UST: variants seen among roughly 807,000 people sequenced by gnomAD.
UST encodes chondroitin sulfate 2-O-sulfotransferase.
Under a neutral mutation model 45.6 loss-of-function variants are expected in UST, and 21 were observed. The ratio of observed to expected loss-of-function variants is 0.46; its 90% confidence interval spans 0.33 to 0.66. The LOEUF is 0.66. Ranked by LOEUF, UST falls within the 30% of genes least tolerant of loss-of-function variation. UST has a pLI of 0.02. For missense variants in UST, 463 were observed against 512.4 expected (o/e 0.90, Z 0.93); for synonymous variants, 215 against 200.6 (o/e 1.07, Z -0.61).
At chr6:148,948,211 T>C (rs912023181) in intron 3 of UST, among the ~76,000 whole-genome samples, 1 of 152,200 alleles carries the variant, frequency 6.6e-6, no homozygotes, top group African/African-American at 2.4e-5. Flanking sequence ...GGCTCTGAGG[T>C]TCAAGGGCCA....
intron 2 of UST, among the ~76,000 whole-genome samples, chr6:148,911,989 G>A (rs1779484583): frequency 6.6e-6 from 1 of 152,176 alleles, no homozygotes. Flanking sequence ...TTGAGGTCAG[G>A]AGTTCAAGAC....
chr6:148,997,115 T>G (rs1478833552), intron 5 of UST, among the ~76,000 whole-genome samples: 1 of 152,224 alleles, frequency 6.6e-6, no homozygotes, highest in East Asian at 1.9e-4. Context: ...CTTCAGAGGA[T>G]ATGAACTGGG....
At chr6:148,975,464 A>G (rs1465981247) in intron 5 of UST, among the ~76,000 whole-genome samples, 2 of 152,104 alleles carry the variant, frequency 1.3e-5, no homozygotes, top group Non-Finnish European at 1.5e-5. Flanking sequence ...GATACTGTCA[A>G]CCTGTCTCCA....
At chr6:149,002,506 A>G (rs1781569751) in intron 5 of UST, among the ~76,000 whole-genome samples, 1 of 151,984 alleles carries the variant, frequency 6.6e-6, no homozygotes, top group South Asian at 2.1e-4. Context: ...CTTTTTATGT[A>G]TTTATTTATT....
chr6:148,875,775 G>C (rs562687561), intron 1 of UST, among the ~76,000 whole-genome samples: 1 of 152,206 alleles, frequency 6.6e-6, no homozygotes, highest in Non-Finnish European at 1.5e-5. Flanking sequence ...CTGCGCTCCC[G>C]CTTCGGCGAC....
At position 148,922,057 on chromosome 6, in the gene UST, A is replaced by G. The variant is rs116520696; in HGVS notation, c.292-19222A>G. Reference sequence around the variant, plus strand: ...ACTGGAAAGTCTCATGGTGGGGAAGAGAGATAAAATGTACACTATTGTTTT... The same window carrying G: ...ACTGGAAAGTCTCATGGTGGGGAAGGGAGATAAAATGTACACTATTGTTTT... On this transcript the variant is annotated intron_variant, in intron 2 of 7. Coordinates refer to ENST00000367463, the MANE Select transcript of UST (RefSeq NM_005715.3). Among the ~76,000 whole-genome samples the G allele has an allele frequency of 4.5e-3, 678 of 152,316 alleles. 6 individuals are homozygous for G. The highest frequency in any genetic ancestry group is 0.015 in the African/African-American group (643 of 41,566).
At chr6:149,052,864 A>G (rs142698574) in intron 7 of UST, among the ~76,000 whole-genome samples, 10 of 152,334 alleles carry the variant, frequency 6.6e-5, no homozygotes, top group South Asian at 2.1e-4. Context: ...CAAAGACTCA[A>G]TCTGGTTAAC....
intron 3 of UST, among the ~76,000 whole-genome samples, chr6:148,945,407 A>G (rs1780216233): frequency 6.6e-6 from 1 of 152,060 alleles, no homozygotes; most frequent in South Asian, 2.1e-4. Flanking sequence ...AGAGCCTTTT[A>G]AAACCTAGAG....
At chr6:148,894,559 G>A (rs1249204201) in intron 2 of UST, among the ~76,000 whole-genome samples, 1 of 152,096 alleles carries the variant, frequency 6.6e-6, no homozygotes, top group Non-Finnish European at 1.5e-5. Context: ...CAAACCCCCA[G>A]GCAGGAGCCA....
At chr6:148,890,457 T>G (rs974755462) in intron 2 of UST, among the ~76,000 whole-genome samples, 2 of 152,242 alleles carry the variant, frequency 1.3e-5, no homozygotes, top group Non-Finnish European at 2.9e-5. Context: ...TTTTTCATAT[T>G]TGCTTAGTGC....
rs114079435 is a variant in UST at position 148,882,871 on chromosome 6, A to G, written c.248-4115A>G. ...TCCAGTGGCAAAAAATAGGATTTTC[A>G]TTTCTTATTTGGTTTCTAGATCCTT... On this transcript the variant is annotated intron_variant, in intron 1 of 7. Coordinates refer to ENST00000367463, the MANE Select transcript of UST (RefSeq NM_005715.3). 6.5e-3 allele frequency among the ~76,000 whole-genome samples: 994 copies of G among 152,322 alleles called. 8 individuals carry two copies. The highest frequency in any genetic ancestry group is 0.023 in the African/African-American group (946 of 41,578).
At chr6:148,916,274 G>A (rs150643505) in intron 2 of UST, among the ~76,000 whole-genome samples, 185 of 152,306 alleles carry the variant, frequency 1.2e-3, no homozygotes, top group African/African-American at 4.3e-3. Flanking sequence ...GTAATTTGCC[G>A]AAAGGGATGC....
At chr6:148,912,079 C>T (rs1383888534) in intron 2 of UST, among the ~76,000 whole-genome samples, 1 of 152,170 alleles carries the variant, frequency 6.6e-6, no homozygotes, top group African/African-American at 2.4e-5. Context: ...CACCTGTAAT[C>T]CCAGCTACTC....
At chr6:148,897,198 C>T (rs1779148989) in intron 2 of UST, among the ~76,000 whole-genome samples, 1 of 152,068 alleles carries the variant, frequency 6.6e-6, no homozygotes, top group African/African-American at 2.4e-5. Context: ...GACTGAGTCT[C>T]ACACTGTCGT....
intron 1 of UST, among the ~76,000 whole-genome samples, chr6:148,821,233 A>G (rs1777460114): frequency 6.6e-6 from 1 of 151,102 alleles, no homozygotes; most frequent in Non-Finnish European, 1.5e-5. Flanking sequence ...AGCCTCCCAA[A>G]GTGCTGGGAT....
chr6:149,050,308 GT>G (rs1776464453), intron 7 of UST, among the ~76,000 whole-genome samples: 1 of 152,160 alleles, frequency 6.6e-6, no homozygotes, highest in Admixed American at 6.5e-5. Context: ...TATAATGATG[GT>G]TTAGCAAATC....
At chr6:149,049,966 C>CA (rs1562339795) in intron 7 of UST, among the ~76,000 whole-genome samples, 4 of 142,964 alleles carry the variant, frequency 2.8e-5, no homozygotes, top group Non-Finnish European at 6.3e-5. Flanking sequence ...CACACACACA[C>CA]GTGGCCCTTT....
intron 5 of UST, among the ~76,000 whole-genome samples, chr6:149,015,488 C>G (rs1775884282): frequency 6.6e-6 from 1 of 152,058 alleles, no homozygotes; most frequent in South Asian, 2.1e-4. Flanking sequence ...GCAGGGGTGC[C>G]CATGGTGTGT....
At chr6:148,978,150 A>G (rs1416323850) in intron 5 of UST, among the ~76,000 whole-genome samples, 2 of 152,138 alleles carry the variant, frequency 1.3e-5, no homozygotes, top group African/African-American at 2.4e-5. Context: ...TTTTCAGTTT[A>G]CCAGATAAAA....
Sources: gnomAD v4.1 joint callset for allele counts (sites outside exome capture counted in the v4.1 genomes callset) on GRCh38, gnomAD v4.1.1 for gene constraint, MANE v1.5 for transcripts, NCBI Gene and HGNC (gene_info 2026-07-23, HGNC 2026-07-21) for gene names.